The following ADAMTSL1 variants were observed in gnomAD, a reference collection of about 807,000 sequenced individuals.
The protein encoded by ADAMTSL1 is ADAMTS like 1.
Under a neutral mutation model 201.8 loss-of-function variants are expected in ADAMTSL1, and 126 were observed. The observed-to-expected ratio is 0.62, with a 90% confidence interval of 0.54 to 0.72. The LOEUF is 0.72. Among genes scored for constraint, ADAMTSL1 ranks in the 30% least tolerant of loss-of-function variants. The pLI is 0.00. For missense variants in ADAMTSL1, 2,679 were observed against 2,277.8 expected, an observed-to-expected ratio of 1.18 and a Z score of -3.59; for synonymous variants, 1,121 against 903.4, an observed-to-expected ratio of 1.24 and a Z score of -4.32.
chr9:18,486,337 C>T (rs1312008965), intron 1 of ADAMTSL1, among the ~76,000 whole-genome samples: 2 of 152,198 alleles, frequency 1.3e-5, no homozygotes, highest in African/African-American at 2.4e-5. Context: ...TCTGAAGAGA[C>T]TGCCAAACTG....
intron 26 of ADAMTSL1, among the ~76,000 whole-genome samples, chr9:18,897,296 A>T (rs1388203612): frequency 6.6e-6 from 1 of 152,144 alleles, no homozygotes; most frequent in Admixed American, 6.5e-5. Context: ...CAGGACTGCC[A>T]GGAGAGTCCA....
At chr9:18,076,992 GGAAGGATACA>G (rs1434438533) in intron 1 of ADAMTSL1, among the ~76,000 whole-genome samples, 1 of 152,136 alleles carries the variant, frequency 6.6e-6, no homozygotes, top group African/African-American at 2.4e-5. Flanking sequence ...TAAAGAAAAA[GGAAGGATACA>G]GAATGACTCC....
chr9:18,816,985 C>T, intron 20 of ADAMTSL1, 124 bp from the exon 21 acceptor site: 1 of 1,266,208 alleles, frequency 7.9e-7, no homozygotes, highest in Non-Finnish European at 1.1e-6. Context: ...CAAGAGAAAA[C>T]ATAGTTAGTG....
intron 2 of ADAMTSL1, among the ~76,000 whole-genome samples, chr9:18,460,359 A>T (rs952971937): frequency 1.3e-5 from 2 of 152,202 alleles, no homozygotes; most frequent in Non-Finnish European, 2.9e-5. Context: ...AAGATACAGC[A>T]TGCAGAGTAT....
intron 1 of ADAMTSL1, among the ~76,000 whole-genome samples, chr9:18,004,441 A>G (rs1819734852): frequency 6.6e-6 from 1 of 152,018 alleles, no homozygotes; most frequent in African/African-American, 2.4e-5. Flanking sequence ...ACGTGAACCC[A>G]CAAAGCAAGT....
intron 1 of ADAMTSL1, among the ~76,000 whole-genome samples, chr9:18,025,516 TC>T (rs1820655176): frequency 1.3e-5 from 2 of 152,102 alleles, no homozygotes; most frequent in African/African-American, 4.8e-5. Context: ...TAGAGTCCTT[TC>T]CCCATTGCCT....
chr9:18,717,301 A>G (rs935601057), intron 14 of ADAMTSL1, among the ~76,000 whole-genome samples: 1 of 150,996 alleles, frequency 6.6e-6, no homozygotes, highest in Admixed American at 6.6e-5. Flanking sequence ...AAAAATAAAG[A>G]AATTTGAAAA....
At chr9:18,286,016 C>G (rs1379215234) in intron 2 of ADAMTSL1, among the ~76,000 whole-genome samples, 3 of 151,862 alleles carry the variant, frequency 2.0e-5, no homozygotes, top group Non-Finnish European at 2.9e-5. Flanking sequence ...CCCCCTAGCT[C>G]TATGCAACTG....
At chr9:18,585,020 C>G (rs1823388472) in intron 4 of ADAMTSL1, among the ~76,000 whole-genome samples, 1 of 152,154 alleles carries the variant, frequency 6.6e-6, no homozygotes, top group Admixed American at 6.5e-5. Context: ...AGGTTTTTTT[C>G]TATGAAGCAC....
intron 23 of ADAMTSL1, among the ~76,000 whole-genome samples, chr9:18,861,778 A>G (rs1486434209): frequency 1.3e-5 from 2 of 152,068 alleles, no homozygotes; most frequent in East Asian, 1.9e-4. Flanking sequence ...GCCAGAGCAT[A>G]TTCTTATCCC....
chr9:18,819,656 A>G (rs976484587), intron 21 of ADAMTSL1, among the ~76,000 whole-genome samples: 2 of 152,196 alleles, frequency 1.3e-5, no homozygotes, highest in Admixed American at 6.5e-5. Flanking sequence ...TGATAACCTT[A>G]TAGTGAGAAC....
At chr9:18,867,464 A>G (rs1014087193) in intron 23 of ADAMTSL1, among the ~76,000 whole-genome samples, 4 of 152,154 alleles carry the variant, frequency 2.6e-5, no homozygotes, top group South Asian at 2.1e-4. Context: ...TCTTTTTATT[A>G]TGGGTAATTT....
intron 1 of ADAMTSL1, among the ~76,000 whole-genome samples, chr9:17,980,444 C>T (rs899126337): frequency 1.3e-5 from 2 of 151,942 alleles, no homozygotes; most frequent in African/African-American, 2.4e-5. Flanking sequence ...CCAAACATGG[C>T]CACTGGGTTT....
At chr9:17,920,389 A>G (rs896988280) in intron 1 of ADAMTSL1, among the ~76,000 whole-genome samples, 2 of 152,216 alleles carry the variant, frequency 1.3e-5, no homozygotes, top group Non-Finnish European at 2.9e-5. Flanking sequence ...CCTATTTCAT[A>G]GATTCCTCAA....
chr9:18,772,673 A>C (rs1170257929), intron 17 of ADAMTSL1, among the ~76,000 whole-genome samples: 1 of 152,182 alleles, frequency 6.6e-6, no homozygotes, highest in Non-Finnish European at 1.5e-5. Context: ...TATATATTGC[A>C]TGTAAAATAC....
chr9:18,517,622 T>C (rs1587434683), intron 2 of ADAMTSL1, among the ~76,000 whole-genome samples: 1 of 141,136 alleles, frequency 7.1e-6, no homozygotes, highest in Non-Finnish European at 1.5e-5. Context: ...CCTGTGTCCA[T>C]GTGATCTCAT....
intron 26 of ADAMTSL1, among the ~76,000 whole-genome samples, chr9:18,901,633 C>A (rs1830024414): frequency 6.6e-6 from 1 of 151,922 alleles, no homozygotes; most frequent in East Asian, 1.9e-4. Flanking sequence ...ATGTAATCCC[C>A]ATGGTAACAA....
chr9:18,873,167 T>A (rs993413579), intron 23 of ADAMTSL1, among the ~76,000 whole-genome samples: 7 of 152,156 alleles, frequency 4.6e-5, no homozygotes, highest in Non-Finnish European at 1.0e-4. Flanking sequence ...ATGGATAGGA[T>A]TATTTGCATT....
At chr9:18,869,345 C>T (rs1827742795) in intron 23 of ADAMTSL1, among the ~76,000 whole-genome samples, 1 of 152,248 alleles carries the variant, frequency 6.6e-6, no homozygotes, top group African/African-American at 2.4e-5. Context: ...CTAATACACC[C>T]TTCCATGCTT....
Sources: gnomAD v4.1 joint callset for allele counts (sites outside exome capture counted in the v4.1 genomes callset) on GRCh38, gnomAD v4.1.1 for gene constraint, MANE v1.5 for transcripts, NCBI Gene and HGNC (gene_info 2026-07-23, HGNC 2026-07-21) for gene names.